Variants in MSH3 observed in about 807,000 individuals in gnomAD.
MSH3 encodes DNA mismatch repair protein Msh3.
MSH3 carries 106 observed loss-of-function variants against 123.3 expected under a neutral mutation model. The ratio of observed to expected loss-of-function variants is 0.86; its 90% CI spans 0.73 to 1.01. The LOEUF (loss-of-function observed/expected upper bound fraction) is 1.01. Among genes scored for constraint, MSH3 ranks in the 50% least tolerant of loss-of-function variants. The probability of loss-of-function intolerance (pLI) is 0.00; values close to 1 mark genes in which losing one functional copy is unlikely to be tolerated. For missense variants in MSH3, 1,459 were observed against 1,347.6 expected (o/e 1.08, Z -1.29); for synonymous variants, 515 against 481.4 (o/e 1.07, Z -0.91).
Position 80,864,930 on chromosome 5 carries a change from A to G in MSH3, c.3118A>G (p.Lys1040Glu). The G allele has an allele frequency of 6.2e-7, 1 of 1,613,988 alleles. No homozygotes were observed. The highest frequency in any genetic ancestry group is 8.5e-7 in the Non-Finnish European group (1 of 1,179,882). Reference sequence around the variant, plus strand: ...ATTCTTGGTCAGTGAGGATGAAAGCAAACTGGATCCAGGTATGAAATATTC... The same window carrying G: ...ATTCTTGGTCAGTGAGGATGAAAGCGAACTGGATCCAGGTATGAAATATTC... Reference protein sequence around the residue: ...MGFLVSEDESKLDPGAAEQVP... With the variant: ...MGFLVSEDESELDPGAAEQVP... The change falls in exon 22 of 24, where the codon AAA becomes GAA. Residue 1040 changes from lysine (K) to glutamate (E), a missense_variant. Physicochemically the swap from Lys to Glu is moderately conservative, Grantham distance 56. Transcript: ENST00000265081.
At chr5:80,706,738 A>C (rs1429960840) in intron 8 of MSH3, among the ~76,000 whole-genome samples, 1 of 152,200 alleles carries the variant, frequency 6.6e-6, no homozygotes, top group Admixed American at 6.5e-5. Context: ...CAGAATTAGA[A>C]TCTTATGCCA....
intron 15 of MSH3, among the ~76,000 whole-genome samples, chr5:80,769,324 A>G (rs1166724782): frequency 6.6e-6 from 1 of 152,070 alleles, no homozygotes; most frequent in African/African-American, 2.4e-5. Context: ...AAGAGAAGTT[A>G]GTCTTTGATC....
chr5:80,816,591 A>C (rs1052595764), intron 20 of MSH3, among the ~76,000 whole-genome samples: 1 of 152,160 alleles, frequency 6.6e-6, no homozygotes, highest in African/African-American at 2.4e-5. Flanking sequence ...CACTGTAAAG[A>C]ATGTCTGGAG....
Position 80,741,460 on chromosome 5 carries a change from A to T in MSH3, c.1569-4A>T. On this transcript the variant is annotated splice_region_variant and splice_polypyrimidine_tract_variant and intron_variant, in intron 10 of 23. Coordinates refer to ENST00000265081, the MANE Select transcript of MSH3 (RefSeq NM_002439.5). ...TAGGCTAATTATATTTGATTCTTTT[A>T]CAGGAATTTTAAACAGCTATCAAGT... is the stretch of plus-strand genomic sequence containing the variant. 6.5e-7 allele frequency: 1 copy of T among 1,536,000 alleles called. No individual in the cohort carries two copies. The highest frequency in any genetic ancestry group is 9.0e-7 in the Non-Finnish European group (1 of 1,108,712).
At chr5:80,846,840 A>G (rs926168609) in intron 20 of MSH3, among the ~76,000 whole-genome samples, 2 of 152,138 alleles carry the variant, frequency 1.3e-5, no homozygotes, top group East Asian at 3.9e-4. Flanking sequence ...CTCGGCTAGG[A>G]AAAGGAAATC....
Position 80,654,913 on chromosome 5 carries a change from G to T in MSH3, c.186G>T (p.Ala62=). The T allele has an allele frequency of 6.7e-7, 1 of 1,499,596 alleles. No individual in the cohort carries two copies. The highest frequency in any genetic ancestry group is 1.8e-5 in the African/African-American group (1 of 56,386). The allele number at this position is 1,499,596 out of a possible 1,614,324, so 92.9% of individuals were successfully genotyped here. Residue 62 remains alanine (A), a synonymous_variant, in exon 1 of 24, where the codon GCG becomes GCT. Coordinates refer to ENST00000265081, the MANE Select transcript of MSH3 (RefSeq NM_002439.5). ...CTGCAGCGGCCGCAGCGGCCGCAGC[G>T]CCCCCAGCGCCCCCAGCTCCCGCCT... ...AAAAAAAAAA[A]PPAPPAPAFP...
intron 20 of MSH3, among the ~76,000 whole-genome samples, chr5:80,831,905 G>A (rs1482396812): frequency 1.3e-5 from 2 of 151,964 alleles, no homozygotes; most frequent in African/African-American, 2.4e-5. Flanking sequence ...TCAGGAGATC[G>A]AGACCATCCT....
chr5:80,700,333 A>G (rs1482878224), intron 8 of MSH3, among the ~76,000 whole-genome samples: 1 of 152,202 alleles, frequency 6.6e-6, no homozygotes, highest in Admixed American at 6.5e-5. Context: ...GTGAGTCGAG[A>G]TCTCCCCACT....
intron 8 of MSH3, among the ~76,000 whole-genome samples, chr5:80,697,902 C>T (rs1003586407): frequency 6.6e-6 from 1 of 152,050 alleles, no homozygotes; most frequent in Non-Finnish European, 1.5e-5. Flanking sequence ...TTATATCAAA[C>T]AAATCGATGT....
chr5:80,849,028 GC>G (rs1412684835), intron 20 of MSH3, among the ~76,000 whole-genome samples: 2 of 152,188 alleles, frequency 1.3e-5, no homozygotes, highest in Non-Finnish European at 2.9e-5. Context: ...CAGGCATTGG[GC>G]AAATACAGCC....
intron 20 of MSH3, among the ~76,000 whole-genome samples, chr5:80,836,787 T>G (rs1745523154): frequency 6.8e-6 from 1 of 146,082 alleles, no homozygotes; most frequent in South Asian, 2.1e-4. Flanking sequence ...TTTTTAACAT[T>G]TATATTATTT....
In MSH3 at chr5:80,741,461, C is replaced by T. The variant is rs760765447; in HGVS notation, c.1569-3C>T. On this transcript the variant is annotated splice_region_variant and splice_polypyrimidine_tract_variant and intron_variant, in intron 10 of 23. Transcript: ENST00000265081. ...AGGCTAATTATATTTGATTCTTTTA[C>T]AGGAATTTTAAACAGCTATCAAGTA... is the stretch of plus-strand genomic sequence containing the variant. 4 of 1,541,300 alleles carry T rather than the reference C, an allele frequency of 2.6e-6. No homozygotes were observed. The East Asian group carries it at 6.7e-5, about 26-fold the overall frequency.
At chr5:80,793,046 A>G (rs955499574) in intron 19 of MSH3, among the ~76,000 whole-genome samples, 4 of 152,242 alleles carry the variant, frequency 2.6e-5, no homozygotes, top group Non-Finnish European at 5.9e-5. Context: ...TTAGTAACTA[A>G]AAGTTTAGTT....
rs115244917 is a variant in MSH3 at position 80,659,743 on chromosome 5, T to G, written c.358+3212T>G. ...CCATCCATCTCCAGAACTCATTTTA[T>G]CTTGCATTCCTATAACTCTGTACCC... is the stretch of plus-strand genomic sequence containing the variant. On this transcript the variant is annotated intron_variant, in intron 2 of 23. Coordinates refer to ENST00000265081, the MANE Select transcript of MSH3 (RefSeq NM_002439.5). Among the ~76,000 whole-genome samples the G allele has an allele frequency of 3.2e-3, 484 of 152,274 alleles. 2 individuals carry two copies. The highest frequency in any genetic ancestry group is 0.011 in the African/African-American group (467 of 41,522).
intron 19 of MSH3, among the ~76,000 whole-genome samples, chr5:80,805,657 C>G (rs902195062): frequency 1.7e-5 from 2 of 121,156 alleles, no homozygotes; most frequent in African/African-American, 6.3e-5. Flanking sequence ...TACAGTGTCT[C>G]AATCTTGGCT....
At chr5:80,786,310 G>A (rs1744508549) in intron 17 of MSH3, among the ~76,000 whole-genome samples, 1 of 152,104 alleles carries the variant, frequency 6.6e-6, no homozygotes, top group Non-Finnish European at 1.5e-5. Context: ...AGGCTCAATT[G>A]CTTTAGGCTA....
intron 20 of MSH3, among the ~76,000 whole-genome samples, chr5:80,838,590 CTT>C (rs1425878640): frequency 6.6e-6 from 1 of 152,104 alleles, no homozygotes; most frequent in African/African-American, 2.4e-5. Context: ...AGTTTTTGCT[CTT>C]GAGTAAACTT....
At chr5:80,737,232 T>C (rs1266021811) in intron 10 of MSH3, among the ~76,000 whole-genome samples, 1 of 152,216 alleles carries the variant, frequency 6.6e-6, no homozygotes, top group Non-Finnish European at 1.5e-5. Context: ...ACAGAAATGT[T>C]TTCAGCAATA....
At chr5:80,698,796 G>A (rs2112836304) in intron 8 of MSH3, among the ~76,000 whole-genome samples, 1 of 147,154 alleles carries the variant, frequency 6.8e-6, no homozygotes, top group Non-Finnish European at 1.5e-5. Context: ...ACACCGGGGG[G>A]CCTGTTGTGG....
Sources: allele counts gnomAD v4.1 joint callset (sites outside exome capture counted in the v4.1 genomes callset), GRCh38; gene constraint gnomAD v4.1.1; transcripts MANE v1.5; gene names NCBI Gene and HGNC (gene_info 2026-07-23, HGNC 2026-07-21).